The following CLASRP variants were observed in gnomAD, a reference collection of about 807,000 sequenced individuals.
CLASRP encodes the protein CLK4-associating serine/arginine rich protein.
Under a neutral mutation model 99.9 loss-of-function variants are expected in CLASRP, and 52 were observed. The observed-to-expected ratio is 0.52, with a 90% CI of 0.42 to 0.66. CLASRP has a LOEUF of 0.66. Among genes scored for constraint, CLASRP ranks in the 30% least tolerant of loss-of-function variants. CLASRP has a pLI of 0.00. For synonymous variants in CLASRP, 379 were observed against 373.0 expected (o/e 1.02, Z -0.18); for missense variants, 848 against 999.2 (o/e 0.85, Z 2.04).
chr19:45,058,688 T>C (rs1972168333), intron 7 of CLASRP, among the ~76,000 whole-genome samples: 1 of 152,202 alleles, frequency 6.6e-6, no homozygotes, highest in African/African-American at 2.4e-5. Flanking sequence ...CTCAGCCCAG[T>C]AGCTGGCTCT....
intron 2 of CLASRP, among the ~76,000 whole-genome samples, chr19:45,044,848 A>G (rs1600094279): frequency 1.3e-5 from 2 of 152,176 alleles, no homozygotes; most frequent in South Asian, 4.1e-4. Flanking sequence ...TTTGGGAGTC[A>G]TGGGGCTCTG....
chr19:45,064,521 CGGTCCCGTA>C lies in CLASRP; in HGVS notation c.1302_1310del (p.Ser435_Ser437del). 6.5e-7 allele frequency: 1 copy of C among 1,537,586 alleles called. No individual in the cohort carries two copies. The highest frequency in any genetic ancestry group is 8.7e-7 in the Non-Finnish European group (1 of 1,146,176). ...CCGCTCCCGCTCCCGGCGCTATTCC[CGGTCCCGTA>C]GCCGTGGCCGGCGGCACTCAGGTGG... On this transcript the variant is annotated inframe_deletion, in exon 13 of 21. Transcript: ENST00000221455.
At chr19:45,069,416 C>T (rs1384367683) in intron 18 of CLASRP, among the ~76,000 whole-genome samples, 168 bp downstream of exon 18, 2 of 152,210 alleles carry the variant, frequency 1.3e-5, no homozygotes, top group Non-Finnish European at 2.9e-5. Context: ...TGCTCCTCTC[C>T]CTGAATTTCC....
In CLASRP at chr19:45,067,694, A is replaced by G; in HGVS notation, c.1667+100A>G. 8.6e-7 allele frequency: 1 copy of G among 1,162,800 alleles called. No homozygotes were observed. Among genetic ancestry groups the G allele is most frequent in the Non-Finnish European group, 1.2e-6 (1 of 833,296 alleles). 72.0% of individuals were successfully genotyped at this position (1,162,800 alleles called of 1,614,324 possible). A position where few individuals can be genotyped will look rare whatever the true frequency, so the allele number is the denominator to read the frequency against. On this transcript the variant is annotated intron_variant, in intron 14 of 20. Coordinates refer to ENST00000221455, the MANE Select transcript of CLASRP (RefSeq NM_007056.3). The surrounding 1 kb of genome is among the most constrained non-coding windows in gnomAD (Gnocchi z 4.9). ...GAGGGGAACTTAGCCCTACCCTGGG[A>G]GGTCTGGGGGGTGGTGTATGGCCCT...
chr19:45,040,027 A>T lies in CLASRP; in HGVS notation c.-29-157A>T, dbSNP rs142371320. ...TCGAAGTTGTTAGGGATGGACTTGA[A>T]CATCTGGCATACTGTTCTGCAGCTT... On this transcript the variant is annotated intron_variant, in intron 1 of 20. Transcript: ENST00000221455. The T allele has an allele frequency of 7.4e-4, 377 of 509,984 alleles. 3 individuals carry two copies. In the East Asian group the frequency reaches 0.012, roughly 16 times the overall value. The allele number at this position is 509,984 out of a possible 1,614,324, so 31.6% of individuals were successfully genotyped here. A position where few individuals can be genotyped will look rare whatever the true frequency, so the allele number is the denominator to read the frequency against.
At chr19:45,063,870 C>G in intron 11 of CLASRP, 142 bp from the exon 12 acceptor site, 1 of 1,148,508 alleles carries the variant, frequency 8.7e-7, no homozygotes, top group South Asian at 1.6e-5. Context: ...TGGGTCTCCA[C>G]TGCCCTCCAG....
rs893422493 is a variant in CLASRP, at chr19:45,060,184, G to GT, written c.711-194dup. On this transcript the variant is annotated intron_variant, in intron 8 of 20. Transcript: ENST00000221455. This position sits in a 1 kb window ranked among gnomAD's most constrained non-coding sequence, Gnocchi z 4.6. Reference sequence around the variant, plus strand: ...TAAGCCCGTGCAGGTGAGGATTTCTGTTTTTTTTTTTCAGTGCTCAGTTCT... The same window carrying GT: ...TAAGCCCGTGCAGGTGAGGATTTCTGTTTTTTTTTTTTCAGTGCTCAGTTCT... 9.5e-4 allele frequency among the ~76,000 whole-genome samples: 140 copies of GT among 146,602 alleles called. No homozygotes were observed. The highest frequency in any genetic ancestry group is 4.5e-3 in the East Asian group (23 of 5,066).
At chr19:45,059,470 C>G in intron 8 of CLASRP, 106 bp downstream of exon 8, 5 of 969,578 alleles carry the variant, frequency 5.2e-6, no homozygotes, top group South Asian at 3.0e-5. Context: ...CATTTGTGTG[C>G]CTGGCCCTGG....
chr19:45,058,171 G>GCCTCTCTCTGCCTTTGCC (rs1972157614), intron 7 of CLASRP: 1 of 467,590 alleles, frequency 2.1e-6, no homozygotes, highest in South Asian at 2.4e-5. Context: ...ACTTGGGCCG[G>GCCTCTCTCTGCCTTTGCC]CCTCTCTCTG....
intron 2 of CLASRP, among the ~76,000 whole-genome samples, chr19:45,050,123 G>C (rs1251232969): frequency 6.7e-6 from 1 of 150,138 alleles, no homozygotes; most frequent in Admixed American, 6.8e-5. Flanking sequence ...GCGAGGGCCT[G>C]TGTGCCTGGA....
rs544419788 is a variant in CLASRP, at chr19:45,051,729, G to A, written c.100-342G>A. On this transcript the variant is annotated intron_variant, in intron 2 of 20. Transcript: ENST00000221455. Reference sequence around the variant, plus strand: ...CATGCCTGTAATCCCAGCACTTTGGGAGGCTGAGGCGGGTGGATCACGAGG... The same window carrying A: ...CATGCCTGTAATCCCAGCACTTTGGAAGGCTGAGGCGGGTGGATCACGAGG... Among the ~76,000 whole-genome samples the A allele has an allele frequency of 8.9e-3, 1,351 of 152,262 alleles. 6 individuals carry two copies. The highest frequency in any genetic ancestry group is 0.018 in the South Asian group (85 of 4,830).
chr19:45,063,893 C>G (rs1304085987), intron 11 of CLASRP, 119 bp from the exon 12 acceptor site: 1 of 1,414,328 alleles, frequency 7.1e-7, no homozygotes, highest in African/African-American at 1.4e-5. Flanking sequence ...TCCATCCACC[C>G]GCCTGGTTTC....
intron 13 of CLASRP, 61 bp downstream of exon 13, chr19:45,064,691 G>T (rs765884670): frequency 6.1e-6 from 9 of 1,479,986 alleles, no homozygotes; most frequent in Non-Finnish European, 8.1e-6. Context: ...CGATCCTGGG[G>T]AGAAGGTGCT....
chr19:45,042,792 CTT>C (rs1310148482), intron 2 of CLASRP, among the ~76,000 whole-genome samples: 1 of 151,964 alleles, frequency 6.6e-6, no homozygotes, highest in African/African-American at 2.4e-5. Flanking sequence ...AATTTTTGCA[CTT>C]TTGGTAGAGA....
At position 45,053,189 on chromosome 19, in the gene CLASRP, G is replaced by T. The variant is rs1300462051; in HGVS notation, c.379+12G>T. 1 of 1,613,558 alleles carries T rather than the reference G, an allele frequency of 6.2e-7. No homozygotes were observed. Among genetic ancestry groups the T allele is most frequent in the South Asian group, 1.1e-5 (1 of 91,072 alleles). ...CGACTTTGCCGGCAGTGAGTGATCTGTGGGGGGACGTGGGGTGTGGGGTTT... is the reference window on the plus strand; with the variant it reads ...CGACTTTGCCGGCAGTGAGTGATCTTTGGGGGGACGTGGGGTGTGGGGTTT... On this transcript the variant is annotated intron_variant, in intron 5 of 20. Coordinates refer to ENST00000221455, the MANE Select transcript of CLASRP (RefSeq NM_007056.3).
At chr19:45,039,399 G>T (rs567959863) in intron 1 of CLASRP, 1 of 149,434 alleles carries the variant, frequency 6.7e-6, no homozygotes, top group Non-Finnish European at 1.5e-5. Flanking sequence ...CAAATCCTCA[G>T]GCCGCGACGC....
At chr19:45,063,010 C>T (rs1000307490) in intron 11 of CLASRP, among the ~76,000 whole-genome samples, 2 of 152,116 alleles carry the variant, frequency 1.3e-5, no homozygotes, top group African/African-American at 4.8e-5. Flanking sequence ...GGAATGGGAT[C>T]TTCCTCATGG....
At position 45,060,341 on chromosome 19, in the gene CLASRP, C is replaced by T. The variant is rs1199742668; in HGVS notation, c.711-48C>T. On this transcript the variant is annotated intron_variant, in intron 8 of 20. Coordinates refer to ENST00000221455, the MANE Select transcript of CLASRP (RefSeq NM_007056.3). The surrounding 1 kb of genome is among the most constrained non-coding windows in gnomAD (Gnocchi z 4.6). The stretch of plus-strand genomic sequence containing the variant: ...ATGACTCAGTCTGTGTCCTCCTTAC[C>T]CTGTGGCCTGCCCCATCCTCCACCC... The T allele has an allele frequency of 6.5e-7, 1 of 1,550,242 alleles. No individual in the cohort carries two copies. The highest frequency in any genetic ancestry group is 1.7e-5 in the Admixed American group (1 of 59,902).
intron 2 of CLASRP, among the ~76,000 whole-genome samples, chr19:45,045,244 A>T (rs2163842): frequency 5.9e-5 from 9 of 152,138 alleles, no homozygotes; most frequent in African/African-American, 2.2e-4. Flanking sequence ...GGCCAGGTGC[A>T]GTGGCTCACG....
Sources: allele counts gnomAD v4.1 joint callset (sites outside exome capture counted in the v4.1 genomes callset), GRCh38; gene constraint gnomAD v4.1.1; non-coding constraint Gnocchi (gnomAD v3.1); transcripts MANE v1.5; gene names NCBI Gene and HGNC (gene_info 2026-07-23, HGNC 2026-07-21).